DCAF6: variants seen among roughly 807,000 people sequenced by gnomAD.
The protein encoded by DCAF6 is DDB1 and CUL4 associated factor 6.
In DCAF6, 54 loss-of-function variants were observed where a neutral mutation model predicts 125.1. The observed-to-expected ratio is 0.43, with a 90% CI of 0.35 to 0.54. The LOEUF is 0.54. DCAF6 is among the 20% of genes least tolerant of loss of function. The pLI, the probability that DCAF6 is intolerant of heterozygous loss-of-function variation, is 0.01. For missense variants in DCAF6, 934 were observed against 1,161.7 expected, an observed-to-expected ratio of 0.80 and a Z score of 2.85; for synonymous variants, 371 against 390.4, an observed-to-expected ratio of 0.95 and a Z score of 0.58.
intron 7 of DCAF6, 69 bp from the exon 8 acceptor site, chr1:168,002,413 G>A: frequency 7.5e-7 from 1 of 1,328,812 alleles, no homozygotes; most frequent in Admixed American, 1.7e-5. Flanking sequence ...TAGACATAAA[G>A]TATGCTTTAA....
At chr1:168,017,243 A>G (rs934391229) in intron 11 of DCAF6, among the ~76,000 whole-genome samples, 2 of 150,936 alleles carry the variant, frequency 1.3e-5, no homozygotes, top group East Asian at 1.9e-4. Context: ...TTTTTGCTGT[A>G]TATAAACGTC....
the DCAF6 span, chr1:167,899,598 A>G: frequency 6.2e-7 from 1 of 1,614,122 alleles, no homozygotes; most frequent in South Asian, 1.1e-5. Flanking sequence ...ATCTCCAAAG[A>G]CCAACATGCT....
chr1:167,888,569 T>C, the DCAF6 span, among the ~76,000 whole-genome samples: 1 of 152,182 alleles, frequency 6.6e-6, no homozygotes, highest in Non-Finnish European at 1.5e-5. Context: ...TTGTTCCCTG[T>C]TAGCATATAG....
the DCAF6 span, among the ~76,000 whole-genome samples, chr1:167,886,866 C>A: frequency 2.6e-5 from 4 of 152,074 alleles, no homozygotes; most frequent in African/African-American, 9.7e-5. Flanking sequence ...TCAAACAACC[C>A]CATCAAAAAG....
At chr1:167,987,082 G>A (rs1571816753) in intron 4 of DCAF6, among the ~76,000 whole-genome samples, 1 of 152,088 alleles carries the variant, frequency 6.6e-6, no homozygotes, top group East Asian at 1.9e-4. Flanking sequence ...GCATCCCACA[G>A]TTGTCTTAAA....
At chr1:167,881,164 G>T in the DCAF6 span, among the ~76,000 whole-genome samples, 46 of 152,286 alleles carry the variant, frequency 3.0e-4, no homozygotes, top group African/African-American at 1.1e-3. Flanking sequence ...TGCAGATACT[G>T]TTATTCTTAG....
intron 4 of DCAF6, among the ~76,000 whole-genome samples, chr1:167,976,341 C>A (rs551203183): frequency 6.6e-6 from 1 of 151,936 alleles, no homozygotes; most frequent in Non-Finnish European, 1.5e-5. Context: ...TGGTGGTGCA[C>A]GCCTGTAATA....
chr1:168,066,653 T>C (rs761858846), intron 20 of DCAF6, among the ~76,000 whole-genome samples, 188 bp downstream of exon 20: 12 of 152,102 alleles, frequency 7.9e-5, no homozygotes, highest in Non-Finnish European at 4.4e-5. Flanking sequence ...AAAATCTAAA[T>C]AGTAGCTTAC....
rs572016143 is a variant in DCAF6 at position 168,033,263 on chromosome 1, C to T, written c.1610-5108C>T. 1.3e-3 allele frequency among the ~76,000 whole-genome samples: 194 copies of T among 151,250 alleles called. 1 individual carries two copies. The highest frequency in any genetic ancestry group is 2.2e-3 in the Non-Finnish European group (148 of 67,848). On this transcript the variant is annotated intron_variant, in intron 12 of 21. Transcript: ENST00000367840. Reference sequence around the variant, plus strand: ...TCTGAATTTTTTTTCTGAGCCAATGCACTATCCTGAGAGGTCTCTAGTAGC... The same window carrying T: ...TCTGAATTTTTTTTCTGAGCCAATGTACTATCCTGAGAGGTCTCTAGTAGC...
chr1:167,945,450 C>G (rs1203104931), intron 1 of DCAF6, among the ~76,000 whole-genome samples: 1 of 151,772 alleles, frequency 6.6e-6, no homozygotes, highest in Non-Finnish European at 1.5e-5. Flanking sequence ...AAATATATTC[C>G]TAGTTTGTGT....
the DCAF6 span, chr1:167,883,760 G>GCC: frequency 1.3e-6 from 1 of 798,060 alleles, no homozygotes; most frequent in Non-Finnish European, 2.2e-6. Flanking sequence ...ACATGACAGA[G>GCC]CCAGCATGCC....
intron 21 of DCAF6, among the ~76,000 whole-genome samples, chr1:168,069,203 T>A (rs1424550433): frequency 6.6e-6 from 1 of 152,102 alleles, no homozygotes; most frequent in Non-Finnish European, 1.5e-5. Flanking sequence ...GTCACACAAC[T>A]GATAAATATT....
At chr1:168,047,816 T>C (rs1015547085) in intron 16 of DCAF6, among the ~76,000 whole-genome samples, 2 of 152,160 alleles carry the variant, frequency 1.3e-5, no homozygotes, top group African/African-American at 4.8e-5. Context: ...TCTAGCTCTT[T>C]ACCAAAAATT....
At chr1:167,877,811 C>A in the DCAF6 span, among the ~76,000 whole-genome samples, 1 of 152,192 alleles carries the variant, frequency 6.6e-6, no homozygotes, top group South Asian at 2.1e-4. Context: ...AAATTGACTG[C>A]GGTTTTCCCA....
chr1:168,015,758 C>T (rs1211429187), intron 10 of DCAF6, 23 bp from the exon 11 acceptor site: 1 of 1,424,806 alleles, frequency 7.0e-7, no homozygotes, highest in South Asian at 1.5e-5. Context: ...GTCTTTTCAC[C>T]TTTCTTTTCC....
intron 12 of DCAF6, among the ~76,000 whole-genome samples, chr1:168,025,792 T>C (rs1246270475): frequency 2.0e-5 from 3 of 152,190 alleles, no homozygotes; most frequent in African/African-American, 7.2e-5. Context: ...GATGTAAATA[T>C]AATCATGTGA....
At chr1:168,069,093 T>A (rs1436209313) in intron 21 of DCAF6, among the ~76,000 whole-genome samples, 3 of 152,158 alleles carry the variant, frequency 2.0e-5, no homozygotes, top group African/African-American at 7.2e-5. Flanking sequence ...ATTTATAAAG[T>A]AACTATAATG....
intron 16 of DCAF6, among the ~76,000 whole-genome samples, chr1:168,046,855 T>G (rs774039125): frequency 3.3e-5 from 5 of 152,150 alleles, no homozygotes; most frequent in Non-Finnish European, 7.4e-5. Context: ...TGAGCTAATG[T>G]CTTATTTTTC....
At chr1:168,015,580 G>A (rs924434237) in intron 10 of DCAF6, among the ~76,000 whole-genome samples, 24 of 152,088 alleles carry the variant, frequency 1.6e-4, no homozygotes, top group Non-Finnish European at 2.9e-4. Context: ...ATTCATCGTA[G>A]TTAAATAGAA....
Sources: allele counts gnomAD v4.1 joint callset (sites outside exome capture counted in the v4.1 genomes callset), GRCh38; gene constraint gnomAD v4.1.1; transcripts MANE v1.5; gene names NCBI Gene and HGNC (gene_info 2026-07-23, HGNC 2026-07-21).